The following CCDC30 variants were observed in gnomAD, a reference collection of about 807,000 sequenced individuals.
CCDC30 encodes the protein coiled-coil domain-containing protein 30.
Under a neutral mutation model 100.2 loss-of-function variants are expected in CCDC30, and 70 were observed. The ratio of observed to expected loss-of-function variants is 0.70; its 90% CI spans 0.58 to 0.85. The LOEUF is 0.85. CCDC30 is among the 40% of genes least tolerant of loss of function. The pLI, the probability that CCDC30 is intolerant of heterozygous loss-of-function variation, is 0.00. For missense variants in CCDC30, 652 were observed against 771.2 expected (o/e 0.85, Z 1.83); for synonymous variants, 233 against 269.5 (o/e 0.86, Z 1.33).
intron 12 of CCDC30, among the ~76,000 whole-genome samples, chr1:42,638,719 C>CAA (rs1647212484): frequency 6.6e-6 from 1 of 151,758 alleles, no homozygotes; most frequent in South Asian, 2.1e-4. Context: ...ACTGAAAATA[C>CAA]AAAAAAATTA....
Position 42,563,609 on chromosome 1 carries a change from G to T in CCDC30, c.457-2687G>T, listed in dbSNP as rs146317036. ...ATTTTTTTAAAAAGTGGCTGGGCGC[G>T]CTGGCTCACGCCTGTAATCCCAGCA... On this transcript the variant is annotated intron_variant, in intron 6 of 16. Coordinates refer to ENST00000668663, the Ensembl canonical transcript of CCDC30. Among the ~76,000 whole-genome samples, 796 of 152,192 alleles carry T rather than the reference G, an allele frequency of 5.2e-3. 8 individuals are homozygous for T. The highest frequency in any genetic ancestry group is 0.019 in the African/African-American group (769 of 41,524).
At chr1:42,478,636 G>T (rs939217115) in intron 1 of CCDC30, among the ~76,000 whole-genome samples, 3 of 152,114 alleles carry the variant, frequency 2.0e-5, no homozygotes, top group Non-Finnish European at 4.4e-5. Context: ...GCATGCACTT[G>T]TAGTCTCAGT....
chr1:42,536,598 T>G (rs1227384390), intron 6 of CCDC30: 1 of 1,596,086 alleles, frequency 6.3e-7, no homozygotes, highest in South Asian at 1.1e-5. Context: ...AAGTTGAAAG[T>G]GAGGTATTAC....
the CCDC30 span, chr1:42,456,626 G>A: frequency 1.6e-5 from 26 of 1,579,398 alleles, no homozygotes; most frequent in Non-Finnish European, 2.1e-5. Flanking sequence ...GCGCTGGGCT[G>A]AGGTTATGGC....
In CCDC30 at chr1:42,646,334, T is replaced by G; in HGVS notation, c.1854+17T>G. 1 of 1,468,300 alleles carries G rather than the reference T, an allele frequency of 6.8e-7. No individual in the cohort carries two copies. The highest frequency in any genetic ancestry group is 9.0e-7 in the Non-Finnish European group (1 of 1,106,130). The allele number at this position is 1,468,300 out of a possible 1,614,324, so 91.0% of individuals were successfully genotyped here. ...GAGCAGATGGTAGGAGAATCCAACT[T>G]CCACATCCACAATACCCTTCCCCAC... On this transcript the variant is annotated intron_variant, in intron 15 of 16. Transcript: ENST00000668663.
At chr1:42,641,940 C>T (rs1647436133) in intron 12 of CCDC30, among the ~76,000 whole-genome samples, 1 of 151,978 alleles carries the variant, frequency 6.6e-6, no homozygotes, top group African/African-American at 2.4e-5. Flanking sequence ...AAATACATGA[C>T]ATGGGCTGGG....
intron 15 of CCDC30, among the ~76,000 whole-genome samples, chr1:42,649,586 G>C (rs1234568795): frequency 3.3e-5 from 5 of 152,166 alleles, no homozygotes; most frequent in Admixed American, 2.6e-4. Flanking sequence ...ATATATACTG[G>C]AAATCTTTGC....
At chr1:42,533,012 C>T (rs942340786) in intron 6 of CCDC30, among the ~76,000 whole-genome samples, 6 of 152,234 alleles carry the variant, frequency 3.9e-5, no homozygotes, top group African/African-American at 1.4e-4. Context: ...CCGCCTCGGC[C>T]TCCCAAAGTG....
At chr1:42,646,005 G>C (rs564562101) in intron 14 of CCDC30, 130 bp from the exon 19 acceptor site, 1 of 1,240,246 alleles carries the variant, frequency 8.1e-7, no homozygotes, top group African/African-American at 1.5e-5. Flanking sequence ...CTTGAATGAA[G>C]ATAAGAATGG....
chr1:42,604,767 G>A (rs1557441240), intron 10 of CCDC30, among the ~76,000 whole-genome samples: 1 of 152,126 alleles, frequency 6.6e-6, no homozygotes, highest in Non-Finnish European at 1.5e-5. Flanking sequence ...TCACATACTT[G>A]TGTCAGTATC....
chr1:42,510,221 C>A (rs1299297560), intron 6 of CCDC30: 2 of 676,668 alleles, frequency 3.0e-6, no homozygotes, highest in East Asian at 2.7e-4. Flanking sequence ...TCTATTTTCT[C>A]TTTTCCTTTT....
chr1:42,464,380 C>T (rs1234591809), intron 1 of CCDC30, among the ~76,000 whole-genome samples: 1 of 152,156 alleles, frequency 6.6e-6, no homozygotes, highest in East Asian at 1.9e-4. Context: ...AAAGGGCATT[C>T]AAAGTGATCA....
chr1:42,618,466 C>T (rs1419452294), intron 11 of CCDC30, among the ~76,000 whole-genome samples: 1 of 152,090 alleles, frequency 6.6e-6, no homozygotes. Context: ...GAACTCCCGA[C>T]CTCAGGTGAT....
At chr1:42,581,980 G>A (rs1200805203) in intron 9 of CCDC30, among the ~76,000 whole-genome samples, 9 of 151,842 alleles carry the variant, frequency 5.9e-5, no homozygotes, top group African/African-American at 1.9e-4. Flanking sequence ...CCAGCACTCC[G>A]GGATGCCGAG....
chr1:42,466,392 A>C (rs1643583843), intron 1 of CCDC30, among the ~76,000 whole-genome samples: 2 of 152,162 alleles, frequency 1.3e-5, no homozygotes, highest in Admixed American at 6.5e-5. Flanking sequence ...TCTTTGTCTC[A>C]GTTTGCTTTA....
chr1:42,528,302 T>C (rs1644754135), intron 6 of CCDC30, among the ~76,000 whole-genome samples: 1 of 152,226 alleles, frequency 6.6e-6, no homozygotes, highest in Admixed American at 6.5e-5. Flanking sequence ...TGGCTTAAAC[T>C]CTGACTTCTT....
chr1:42,598,176 G>GA (rs1211138352), intron 10 of CCDC30, among the ~76,000 whole-genome samples: 2 of 151,486 alleles, frequency 1.3e-5, no homozygotes, highest in Non-Finnish European at 2.9e-5. Context: ...AGTATTAAGA[G>GA]AAAAAATTAC....
chr1:42,619,232 C>T (rs1322454873), intron 11 of CCDC30, among the ~76,000 whole-genome samples: 1 of 152,132 alleles, frequency 6.6e-6, no homozygotes, highest in Non-Finnish European at 1.5e-5. Context: ...TTAATCTCTT[C>T]AGGGAAAAAC....
intron 1 of CCDC30, among the ~76,000 whole-genome samples, chr1:42,477,843 T>G (rs890091939): frequency 3.3e-5 from 5 of 152,152 alleles, no homozygotes; most frequent in Admixed American, 6.5e-5. Flanking sequence ...AGAAAAGGCT[T>G]CCAAAGGAGA....
Sources: gnomAD v4.1 joint callset for allele counts (sites outside exome capture counted in the v4.1 genomes callset) on GRCh38, gnomAD v4.1.1 for gene constraint, MANE v1.5 for transcripts, NCBI Gene and HGNC (gene_info 2026-07-23, HGNC 2026-07-21) for gene names.